ABI2: variants seen among roughly 807,000 people sequenced by gnomAD.
ABI2 encodes the protein abl interactor 2.
A neutral mutation model predicts 59.2 loss-of-function variants in ABI2; 25 were observed. That is an observed-to-expected ratio of 0.42 (90% CI 0.31 to 0.59). The LOEUF is 0.59. Ranked by LOEUF, ABI2 falls within the 20% of genes least tolerant of loss-of-function variation. The pLI is 0.14. For missense variants in ABI2, 545 were observed against 681.8 expected, an observed-to-expected ratio of 0.80 and a Z score of 2.23; for synonymous variants, 213 against 235.5, an observed-to-expected ratio of 0.90 and a Z score of 0.87.
At chr2:203,366,776 G>T in intron 1 of ABI2, 101 bp from the exon 2 acceptor site, 1 of 1,175,062 alleles carries the variant, frequency 8.5e-7, no homozygotes. Context: ...TTACTTTCTG[G>T]TGGACTCAGC....
In ABI2 at chr2:203,402,945, A is replaced by G. The variant is rs748558846; in HGVS notation, c.1192+211A>G. Among the ~76,000 whole-genome samples, 3 of 152,352 alleles carry G rather than the reference A, an allele frequency of 2.0e-5. No individual in the cohort carries two copies. In the East Asian group the frequency reaches 5.8e-4, roughly 29 times the overall value. ...TGTGATTTCCACGTAAAGTCATACAACTTAGTTTTTCTGAGCAGAATTTTT... is the reference window on the plus strand; with the variant it reads ...TGTGATTTCCACGTAAAGTCATACAGCTTAGTTTTTCTGAGCAGAATTTTT... On this transcript the variant is annotated intron_variant, in intron 9 of 11. Transcript: ENST00000261018.
chr2:203,348,069 C>G (rs1226046055), intron 1 of ABI2, among the ~76,000 whole-genome samples: 4 of 151,954 alleles, frequency 2.6e-5, no homozygotes, highest in East Asian at 3.9e-4. Context: ...GGTGAACCCT[C>G]GTGTCTCCTA....
At chr2:203,396,688 C>G (rs886479294) in intron 7 of ABI2, 97 bp from the exon 8 acceptor site, 1 of 1,239,674 alleles carries the variant, frequency 8.1e-7, no homozygotes, top group African/African-American at 1.5e-5. Context: ...TAGTGTTAAG[C>G]ACTGAATATC....
At chr2:203,376,115 A>C in intron 2 of ABI2, 1 of 1,534,564 alleles carries the variant, frequency 6.5e-7, no homozygotes, top group Non-Finnish European at 8.7e-7. Context: ...AAACAATTGC[A>C]GTTTGAGATT....
At position 203,370,993 on chromosome 2, in the gene ABI2, T is replaced by C. The variant is rs1378131885; in HGVS notation, c.285+3949T>C. Reference sequence around the variant, plus strand: ...AACGAAAAAGAACGCTGAGTTGGCCTGAAAAAGATCAGGGCATCTAGGCTT... The same window carrying C: ...AACGAAAAAGAACGCTGAGTTGGCCCGAAAAAGATCAGGGCATCTAGGCTT... On this transcript the variant is annotated intron_variant, in intron 2 of 11. Coordinates refer to ENST00000261018, the MANE Select transcript of ABI2 (RefSeq NM_001375670.1). Among the ~76,000 whole-genome samples, 3 of 152,360 alleles carry C rather than the reference T, an allele frequency of 2.0e-5. No homozygotes were observed. The South Asian group carries it at 6.2e-4, about 32-fold the overall frequency.
chr2:203,411,159 A>T (rs2097658226), intron 9 of ABI2, 126 bp from the exon 10 acceptor site: 2 of 781,102 alleles, frequency 2.6e-6, no homozygotes, highest in East Asian at 5.4e-5. Context: ...GATCCTTGAG[A>T]TCACTGATAA....
chr2:203,374,470 G>T (rs1168240619), intron 2 of ABI2, among the ~76,000 whole-genome samples: 2 of 142,154 alleles, frequency 1.4e-5, no homozygotes, highest in Non-Finnish European at 3.0e-5. Context: ...CTGCATTCCA[G>T]CCTGGGTGGC....
chr2:203,339,376 T>G (rs2152473962), intron 1 of ABI2, among the ~76,000 whole-genome samples: 1 of 151,818 alleles, frequency 6.6e-6, no homozygotes, highest in African/African-American at 2.4e-5. Flanking sequence ...GGTCAGGAGT[T>G]GAAGACCAGC....
Position 203,358,070 on chromosome 2 carries a change from T to TG in ABI2, c.118-8807_118-8806insG, listed in dbSNP as rs1491381450. Among the ~76,000 whole-genome samples, 79 of 129,016 alleles carry TG rather than the reference T, an allele frequency of 6.1e-4. 1 individual carries two copies. Among genetic ancestry groups the TG allele is most frequent in the African/African-American group, 2.2e-3 (73 of 33,932 alleles). The allele number at this position is 129,016 out of a possible 152,430, so 84.6% of individuals were successfully genotyped here. ...GCCATGAGCCACTGTGCCTGGCCTG[T>TG]TTGTGTGTGTGTGTGTGTGTGTGTG... On this transcript the variant is annotated intron_variant, in intron 1 of 11. Coordinates refer to ENST00000261018, the MANE Select transcript of ABI2 (RefSeq NM_001375670.1).
At chr2:203,392,774 G>A (rs1007035433) in intron 5 of ABI2, among the ~76,000 whole-genome samples, 1 of 152,168 alleles carries the variant, frequency 6.6e-6, no homozygotes, top group Non-Finnish European at 1.5e-5. Context: ...GTCCCTAGAA[G>A]AATGAAACTT....
At chr2:203,397,028 A>C in intron 8 of ABI2, 61 bp downstream of exon 8, 2 of 1,295,968 alleles carry the variant, frequency 1.5e-6, no homozygotes, top group Non-Finnish European at 9.8e-7. Context: ...TCTTACTTGC[A>C]CCTCTGATTT....
rs1443828239 is a variant in ABI2 at position 203,406,638 on chromosome 2, A to T, written c.1192+3904A>T. On this transcript the variant is annotated intron_variant, in intron 9 of 11. Coordinates refer to ENST00000261018, the MANE Select transcript of ABI2 (RefSeq NM_001375670.1). ...AAGAATACTGATGTGTTGGGGCTTT[A>T]GCAAAGTATAAATAAAGAGCAGGAG... is the stretch of plus-strand genomic sequence containing the variant. 5.3e-5 allele frequency among the ~76,000 whole-genome samples: 8 copies of T among 152,228 alleles called. 1 individual carries two copies. Among genetic ancestry groups the T allele is most frequent in the Non-Finnish European group, 1.2e-4 (8 of 68,034 alleles).
intron 1 of ABI2, among the ~76,000 whole-genome samples, chr2:203,330,254 A>G (rs1385774917): frequency 1.3e-5 from 2 of 152,156 alleles, no homozygotes; most frequent in African/African-American, 2.4e-5. Flanking sequence ...GCAGTTGACT[A>G]TGGCTACTAG....
chr2:203,421,964 CAA>C (rs35435663), intron 11 of ABI2, among the ~76,000 whole-genome samples: 181 of 102,534 alleles, frequency 1.8e-3, no homozygotes, highest in Admixed American at 2.3e-3. Context: ...GACTCTGTCT[CAA>C]AAAAAAAAAA....
intron 2 of ABI2, among the ~76,000 whole-genome samples, chr2:203,367,819 A>G (rs181642483): frequency 2.0e-5 from 3 of 151,988 alleles, no homozygotes; most frequent in Admixed American, 1.3e-4. Flanking sequence ...CCTGGGCAGC[A>G]TAGCAAAACC....
intron 1 of ABI2, among the ~76,000 whole-genome samples, chr2:203,356,515 C>A (rs1250729419): frequency 1.3e-5 from 2 of 152,170 alleles, no homozygotes; most frequent in East Asian, 3.9e-4. Flanking sequence ...ACTACAGGCG[C>A]GTGCTGCCAC....
intron 1 of ABI2, among the ~76,000 whole-genome samples, chr2:203,364,397 A>C (rs1217250597): frequency 6.6e-6 from 1 of 152,120 alleles, no homozygotes; most frequent in Non-Finnish European, 1.5e-5. Flanking sequence ...GCTGGCAGGG[A>C]AAGATACTTG....
chr2:203,358,525 A>C (rs2092776416), intron 1 of ABI2, among the ~76,000 whole-genome samples: 1 of 152,156 alleles, frequency 6.6e-6, no homozygotes, highest in Non-Finnish European at 1.5e-5. Flanking sequence ...AAGGAACAGG[A>C]ATCACTGGAA....
intron 10 of ABI2, among the ~76,000 whole-genome samples, chr2:203,414,146 G>C (rs1355020342): frequency 6.8e-6 from 1 of 147,374 alleles, no homozygotes; most frequent in African/African-American, 2.5e-5. Context: ...CTGTCACCCA[G>C]GCTGGAGTAC....
Sources: gnomAD v4.1 joint callset for allele counts (sites outside exome capture counted in the v4.1 genomes callset) on GRCh38, gnomAD v4.1.1 for gene constraint, MANE v1.5 for transcripts, NCBI Gene and HGNC (gene_info 2026-07-23, HGNC 2026-07-21) for gene names.